GHR: variants seen among roughly 807,000 people sequenced by gnomAD.
The protein encoded by GHR is growth hormone receptor.
Under a neutral mutation model 67.1 loss-of-function variants are expected in GHR, and 35 were observed. The observed-to-expected ratio is 0.52, with a 90% CI of 0.40 to 0.69. The LOEUF (loss-of-function observed/expected upper bound fraction) is 0.69, where lower values mean the gene tolerates loss of function less well. GHR is among the 30% of genes least tolerant of loss of function. GHR has a pLI of 0.00. For missense variants in GHR, 792 were observed against 764.6 expected (o/e 1.04, Z -0.42); for synonymous variants, 272 against 269.1 (o/e 1.01, Z -0.10).
chr5:42,619,590 A>G (rs1753336935), intron 2 of GHR: 1 of 152,230 alleles, frequency 6.6e-6, no homozygotes, highest in Non-Finnish European at 1.5e-5. Context: ...CAACTAGGAC[A>G]GTGCCTGGCA....
At chr5:42,718,403 A>G in intron 9 of GHR, 50 bp from the exon 10 acceptor site, 1 of 1,334,860 alleles carries the variant, frequency 7.5e-7, no homozygotes, top group Non-Finnish European at 1.1e-6. Context: ...AATTCATTTA[A>G]TTATTATGAG....
chr5:42,575,888 G>A (rs1750635566), intron 2 of GHR, among the ~76,000 whole-genome samples: 1 of 151,310 alleles, frequency 6.6e-6, no homozygotes, highest in East Asian at 1.9e-4. Context: ...ACAAAAATTA[G>A]CTGGGCAGGG....
At chr5:42,658,415 C>G (rs1262998524) in intron 3 of GHR, among the ~76,000 whole-genome samples, 1 of 152,128 alleles carries the variant, frequency 6.6e-6, no homozygotes, top group Non-Finnish European at 1.5e-5. Flanking sequence ...ATAATATATA[C>G]AGCATACTCC....
intron 1 of GHR, among the ~76,000 whole-genome samples, chr5:42,470,154 T>TATC (rs10668880): frequency 0.5 from 73,150 of 145,522 alleles, 19,371 homozygotes; most frequent in African/African-American, 0.65. Flanking sequence ...TACTATATAT[T>TATC]ATAATATATA....
chr5:42,461,812 G>A (rs766618015), intron 1 of GHR, among the ~76,000 whole-genome samples: 6 of 152,216 alleles, frequency 3.9e-5, no homozygotes, highest in Non-Finnish European at 8.8e-5. Flanking sequence ...TTAATCCAGC[G>A]ACACTGAGGC....
At chr5:42,659,931 A>T (rs532884074) in intron 3 of GHR, among the ~76,000 whole-genome samples, 36 of 152,282 alleles carry the variant, frequency 2.4e-4, no homozygotes, top group Middle Eastern at 3.4e-3. Context: ...TGACGGGCTT[A>T]AAAAACGGCG....
chr5:42,666,002 T>C (rs4419597), intron 3 of GHR, among the ~76,000 whole-genome samples: 124,482 of 151,840 alleles, frequency 0.82, 51,266 homozygotes, highest in East Asian at 1. Flanking sequence ...CTCCCTCTCA[T>C]GACACATGCG....
intron 5 of GHR, among the ~76,000 whole-genome samples, chr5:42,697,778 G>GT (rs1410574263): frequency 2.0e-5 from 3 of 152,128 alleles, no homozygotes; most frequent in African/African-American, 7.2e-5. Context: ...GTGATCTAAC[G>GT]TAAGTGTTAG....
intron 1 of GHR, among the ~76,000 whole-genome samples, chr5:42,456,456 T>C (rs1744265649): frequency 6.6e-6 from 1 of 152,220 alleles, no homozygotes; most frequent in South Asian, 2.1e-4. Flanking sequence ...TAATTATAAA[T>C]CTATAGGTTA....
intron 3 of GHR, among the ~76,000 whole-genome samples, chr5:42,644,764 G>A (rs1424184064): frequency 6.6e-6 from 1 of 151,318 alleles, no homozygotes; most frequent in East Asian, 1.9e-4. Flanking sequence ...GCTATATGTT[G>A]ATAATTGTTG....
intron 3 of GHR, among the ~76,000 whole-genome samples, chr5:42,674,225 G>A (rs1465571594): frequency 7.9e-5 from 12 of 152,094 alleles, no homozygotes; most frequent in Non-Finnish European, 7.4e-5. Flanking sequence ...CAAAATTAAT[G>A]AGCTGTGATT....
In GHR at chr5:42,583,057, G is replaced by A. The variant is rs183527651; in HGVS notation, c.70+17113G>A. ...GGCAGAACAAGCCCATTGGGCCCGAGCAAAACTTGGGCAAATGTGCCACCA... is the reference window on the plus strand; with the variant it reads ...GGCAGAACAAGCCCATTGGGCCCGAACAAAACTTGGGCAAATGTGCCACCA... On this transcript the variant is annotated intron_variant, in intron 2 of 9. Transcript: ENST00000230882. Among the ~76,000 whole-genome samples, 13 of 152,328 alleles carry A rather than the reference G, an allele frequency of 8.5e-5. No homozygotes were observed. The East Asian group carries it at 2.5e-3, about 29-fold the overall frequency.
At chr5:42,583,874 T>C (rs918605971) in intron 2 of GHR, among the ~76,000 whole-genome samples, 1 of 146,910 alleles carries the variant, frequency 6.8e-6, no homozygotes. Context: ...TATCTTTAAA[T>C]AAAGATATAT....
At chr5:42,571,745 A>C (rs1312803994) in intron 2 of GHR, among the ~76,000 whole-genome samples, 4 of 152,212 alleles carry the variant, frequency 2.6e-5, no homozygotes, top group African/African-American at 9.7e-5. Flanking sequence ...CTTAGATGCC[A>C]GCTCTTACGG....
At chr5:42,590,302 G>A (rs1751707101) in intron 2 of GHR, among the ~76,000 whole-genome samples, 1 of 152,126 alleles carries the variant, frequency 6.6e-6, no homozygotes, top group Non-Finnish European at 1.5e-5. Context: ...AAGATTTCAG[G>A]ACAGTTTACA....
At chr5:42,507,439 C>T (rs544459616) in intron 1 of GHR, among the ~76,000 whole-genome samples, 8 of 152,340 alleles carry the variant, frequency 5.3e-5, no homozygotes, top group African/African-American at 1.2e-4. Context: ...TCACATTACA[C>T]ATGCTTGGGA....
intron 1 of GHR, among the ~76,000 whole-genome samples, chr5:42,452,668 C>G (rs1357698495): frequency 6.6e-6 from 1 of 152,022 alleles, no homozygotes; most frequent in African/African-American, 2.4e-5. Context: ...CTTTCTTCTT[C>G]TTGTTCTAGT....
At chr5:42,603,645 A>T (rs1367151169) in intron 2 of GHR, among the ~76,000 whole-genome samples, 1 of 152,090 alleles carries the variant, frequency 6.6e-6, no homozygotes. Flanking sequence ...CCTTCTGAGT[A>T]AAAACAAACA....
chr5:42,705,463 G>T (rs1758130686), intron 6 of GHR, among the ~76,000 whole-genome samples: 1 of 151,954 alleles, frequency 6.6e-6, no homozygotes, highest in Non-Finnish European at 1.5e-5. Context: ...TAGGTAAATT[G>T]CATGTCACAG....
Sources: gnomAD v4.1 joint callset for allele counts (sites outside exome capture counted in the v4.1 genomes callset) on GRCh38, gnomAD v4.1.1 for gene constraint, MANE v1.5 for transcripts, NCBI Gene and HGNC (gene_info 2026-07-23, HGNC 2026-07-21) for gene names.